CASD1: variants seen among roughly 807,000 people sequenced by gnomAD.
CASD1 encodes N-acetylneuraminate (7)9-O-acetyltransferase.
In CASD1, 41 loss-of-function variants were observed where a neutral mutation model predicts 100.0. That is an observed-to-expected ratio of 0.41 (90% CI 0.32 to 0.53). The LOEUF (loss-of-function observed/expected upper bound fraction) is 0.53, where lower values mean the gene tolerates loss of function less well. CASD1 is among the 20% of genes least tolerant of loss of function. CASD1 has a pLI of 0.25. For synonymous variants in CASD1, 321 were observed against 315.6 expected (o/e 1.02, Z -0.18); for missense variants, 774 against 948.7 (o/e 0.82, Z 2.42).
chr7:94,512,085 A>G (rs1286571857), intron 1 of CASD1, among the ~76,000 whole-genome samples: 1 of 152,228 alleles, frequency 6.6e-6, no homozygotes, highest in Non-Finnish European at 1.5e-5. Flanking sequence ...TGGCAGTATC[A>G]AACTGAGTCA....
chr7:94,563,686 C>T, the CASD1 span, among the ~76,000 whole-genome samples: 1 of 152,000 alleles, frequency 6.6e-6, no homozygotes, highest in Admixed American at 6.6e-5. Context: ...CCCCCACGCC[C>T]CCGCTGAAAG....
chr7:94,512,579 C>T (rs923914730), intron 1 of CASD1, among the ~76,000 whole-genome samples: 1 of 152,144 alleles, frequency 6.6e-6, no homozygotes, highest in Non-Finnish European at 1.5e-5. Context: ...TGTGTGCTAA[C>T]GTTGAGCACT....
In CASD1 at chr7:94,533,741, C is replaced by T. The variant is rs1794971280; in HGVS notation, c.567C>T (p.Thr189=). Residue 189 remains threonine (T), a synonymous_variant, in exon 7 of 18, where the codon ACC becomes ACT. Transcript: ENST00000297273. ...EALSQYKMNI[T]SIAPLLEKLA... Reference sequence around the variant, plus strand: ...TTTCTCAATATAAAATGAACATCACCTCCATAGCACCACTTTTAGAAAAAT... The same window carrying T: ...TTTCTCAATATAAAATGAACATCACTTCCATAGCACCACTTTTAGAAAAAT... 6.2e-7 allele frequency: 1 copy of T among 1,604,600 alleles called. No homozygotes were observed. The highest frequency in any genetic ancestry group is 8.5e-7 in the Non-Finnish European group (1 of 1,175,294).
At chr7:94,527,580 A>T (rs1794638519) in intron 4 of CASD1, among the ~76,000 whole-genome samples, 1 of 152,208 alleles carries the variant, frequency 6.6e-6, no homozygotes, top group South Asian at 2.1e-4. Context: ...ATGGCAGAAA[A>T]GAAAAAGAGG....
chr7:94,589,044 C>T, the CASD1 span: 1 of 382,536 alleles, frequency 2.6e-6, no homozygotes, highest in Non-Finnish European at 4.9e-6. Flanking sequence ...CTTGGAGATC[C>T]AGGGCCACAT....
chr7:94,552,273 TA>T (rs775805252), intron 15 of CASD1, 76 bp from the exon 16 acceptor site: 1,690 of 830,334 alleles, frequency 2.0e-3, no homozygotes, highest in Non-Finnish European at 2.4e-3. Context: ...TAAAGAACTG[TA>T]AAAAAAAAAC....
At chr7:94,586,061 G>GA in the CASD1 span, among the ~76,000 whole-genome samples, 12,595 of 28,918 alleles carry the variant, frequency 0.44, 3,978 homozygotes, top group African/African-American at 0.48. Context: ...GGAACTAAAT[G>GA]AAAAAAAAAA....
At chr7:94,529,524 C>G (rs1794745459) in intron 5 of CASD1, among the ~76,000 whole-genome samples, 1 of 152,132 alleles carries the variant, frequency 6.6e-6, no homozygotes, top group South Asian at 2.1e-4. Context: ...GGTTTTCATT[C>G]ACTCAGGAGT....
the CASD1 span, chr7:94,598,927 A>T: frequency 4.3e-6 from 7 of 1,613,834 alleles, no homozygotes; most frequent in Non-Finnish European, 5.1e-6. Flanking sequence ...GCTCCTTGGT[A>T]GATTTCTGAA....
chr7:94,512,726 G>A (rs558757531), intron 1 of CASD1, among the ~76,000 whole-genome samples: 1 of 152,270 alleles, frequency 6.6e-6, no homozygotes, highest in East Asian at 1.9e-4. Context: ...ATCAGGGTGA[G>A]TCTTTAAAAC....
At chr7:94,554,613 G>A in intron 17 of CASD1, 38 bp downstream of exon 17, 1 of 1,328,978 alleles carries the variant, frequency 7.5e-7, no homozygotes, top group African/African-American at 1.4e-5. Context: ...TACACAGCCA[G>A]GTGTTTCATG....
chr7:94,625,804 A>G, the CASD1 span: 1 of 151,994 alleles, frequency 6.6e-6, no homozygotes, highest in African/African-American at 2.4e-5. Context: ...TTGGGTCTCT[A>G]TTGTTTTGTG....
chr7:94,525,611 CATT>C (rs1324100020), intron 3 of CASD1, among the ~76,000 whole-genome samples: 1 of 152,158 alleles, frequency 6.6e-6, no homozygotes, highest in Non-Finnish European at 1.5e-5. Context: ...AAGTTCATGA[CATT>C]ATTTTTCTGA....
intron 10 of CASD1, among the ~76,000 whole-genome samples, chr7:94,543,188 A>G (rs1218844165): frequency 6.6e-6 from 1 of 152,230 alleles, no homozygotes; most frequent in African/African-American, 2.4e-5. Flanking sequence ...GATGCTGTGT[A>G]GAACTTATGG....
the CASD1 span, among the ~76,000 whole-genome samples, chr7:94,567,243 T>C: frequency 6.6e-6 from 1 of 152,168 alleles, no homozygotes; most frequent in Non-Finnish European, 1.5e-5. Flanking sequence ...TTAATATGTA[T>C]TTTTTGTTGA....
the CASD1 span, among the ~76,000 whole-genome samples, chr7:94,633,546 C>T: frequency 6.6e-6 from 1 of 152,020 alleles, no homozygotes; most frequent in Non-Finnish European, 1.5e-5. Context: ...GGTATAGAAT[C>T]TGCAGCCATT....
At chr7:94,518,985 T>A (rs1414181933) in intron 3 of CASD1, among the ~76,000 whole-genome samples, 3 of 152,250 alleles carry the variant, frequency 2.0e-5, no homozygotes, top group African/African-American at 7.2e-5. Flanking sequence ...ACATAAACAT[T>A]TAAAAATTAT....
At chr7:94,623,305 C>A in the CASD1 span, 1 of 1,427,474 alleles carries the variant, frequency 7.0e-7, no homozygotes, top group South Asian at 1.2e-5. Context: ...AAGAAATGAT[C>A]AACATATTTT....
chr7:94,515,476 A>G (rs1323387708), intron 1 of CASD1, among the ~76,000 whole-genome samples: 4 of 151,816 alleles, frequency 2.6e-5, no homozygotes, highest in African/African-American at 9.7e-5. Flanking sequence ...TCAACTCAAC[A>G]ACTGAGAAAC....
Sources: allele counts gnomAD v4.1 joint callset (sites outside exome capture counted in the v4.1 genomes callset), GRCh38; gene constraint gnomAD v4.1.1; transcripts MANE v1.5; gene names NCBI Gene and HGNC (gene_info 2026-07-23, HGNC 2026-07-21).